GABRG3: variants seen among roughly 807,000 people sequenced by gnomAD.
GABRG3 encodes the protein gamma-aminobutyric acid receptor subunit gamma-3.
A neutral mutation model predicts 48.8 loss-of-function variants in GABRG3; 25 were observed. The ratio of observed to expected loss-of-function variants is 0.51; its 90% CI spans 0.37 to 0.72. The LOEUF (loss-of-function observed/expected upper bound fraction) is 0.72. Among genes scored for constraint, GABRG3 ranks in the 30% least tolerant of loss-of-function variants. The pLI is 0.00. For missense variants in GABRG3, 394 were observed against 577.9 expected (o/e 0.68, Z 3.26); for synonymous variants, 227 against 217.6 (o/e 1.04, Z -0.38).
intron 3 of GABRG3, chr15:27,157,506 T>C (rs559603334): frequency 6.6e-6 from 1 of 152,306 alleles, no homozygotes; most frequent in African/African-American, 2.4e-5. Context: ...CTTTCACATA[T>C]TTTGTTATCA....
intron 6 of GABRG3, among the ~76,000 whole-genome samples, chr15:27,486,465 A>G (rs1890222550): frequency 6.6e-6 from 1 of 152,230 alleles, no homozygotes; most frequent in Non-Finnish European, 1.5e-5. Context: ...AAACTCAAAA[A>G]AAGTATTCTA....
At chr15:27,488,427 A>G (rs1441586874) in intron 6 of GABRG3, among the ~76,000 whole-genome samples, 1 of 152,184 alleles carries the variant, frequency 6.6e-6, no homozygotes, top group Admixed American at 6.5e-5. Context: ...GCCTGCACTC[A>G]TAAGGTCTGT....
chr15:27,141,451 A>G (rs1327579445), intron 3 of GABRG3, among the ~76,000 whole-genome samples: 1 of 152,198 alleles, frequency 6.6e-6, no homozygotes, highest in African/African-American at 2.4e-5. Context: ...TCACACATCA[A>G]AAGATTGGAT....
intron 5 of GABRG3, among the ~76,000 whole-genome samples, chr15:27,412,198 A>G (rs1172115777): frequency 6.6e-6 from 1 of 152,136 alleles, no homozygotes; most frequent in Non-Finnish European, 1.5e-5. Context: ...AGGAGCTTCC[A>G]CATTCCCTTC....
chr15:27,280,661 A>G (rs1891403488), intron 3 of GABRG3, among the ~76,000 whole-genome samples: 1 of 152,190 alleles, frequency 6.6e-6, no homozygotes, highest in African/African-American at 2.4e-5. Flanking sequence ...CTGTAATTAC[A>G]TTTCAGTTTG....
intron 2 of GABRG3, among the ~76,000 whole-genome samples, chr15:26,991,813 C>T (rs533310999): frequency 8.2e-4 from 125 of 152,150 alleles, no homozygotes; most frequent in African/African-American, 2.1e-3. Flanking sequence ...CTCCACCTCC[C>T]GGGTTCATGC....
rs1325263042 is a variant in GABRG3 at position 27,536,462 on chromosome 15, A to G, written c.*3581A>G. 1 of 152,196 alleles carries G rather than the reference A, an allele frequency of 6.6e-6. No individual in the cohort carries two copies. Among genetic ancestry groups the G allele is most frequent in the Non-Finnish European group, 1.5e-5 (1 of 68,028 alleles). 9.4% of individuals were successfully genotyped at this position (152,196 alleles called of 1,614,324 possible). A position where few individuals can be genotyped will look rare whatever the true frequency, so the allele number is the denominator to read the frequency against. Reference sequence around the variant, plus strand: ...CTATATTTCATGCCAAGTTTTATTTATCTTTTATGAATGGATGGAAATAGG... The same window carrying G: ...CTATATTTCATGCCAAGTTTTATTTGTCTTTTATGAATGGATGGAAATAGG... On this transcript the variant is annotated 3_prime_UTR_variant, in exon 10 of 10. Transcript: ENST00000615808.
intron 3 of GABRG3, among the ~76,000 whole-genome samples, chr15:27,269,328 CT>C (rs1165823784): frequency 2.6e-5 from 4 of 152,220 alleles, no homozygotes; most frequent in African/African-American, 9.6e-5. Flanking sequence ...CTTAGGCCCC[CT>C]GGACCTGCCC....
rs979358888 is a variant in GABRG3 at position 27,541,589 on chromosome 15, G to A, written c.*8708G>A. 9.2e-5 allele frequency: 14 copies of A among 152,310 alleles called. No individual in the cohort carries two copies. The highest frequency in any genetic ancestry group is 3.4e-4 in the African/African-American group (14 of 41,472). The allele number at this position is 152,310 out of a possible 1,614,324, so 9.4% of individuals were successfully genotyped here. A position where few individuals can be genotyped will look rare whatever the true frequency, so the allele number is the denominator to read the frequency against. ...TTAGAGCACCGGTGTGGATGCGCTT[G>A]GCCCCGAGGGGGCCGCGCCCTGCCC... On this transcript the variant is annotated 3_prime_UTR_variant, in exon 10 of 10. Coordinates refer to ENST00000615808, the MANE Select transcript of GABRG3 (RefSeq NM_033223.5).
chr15:27,287,732 T>C (rs1891661492), intron 3 of GABRG3, among the ~76,000 whole-genome samples: 2 of 147,156 alleles, frequency 1.4e-5, no homozygotes, highest in African/African-American at 5.3e-5. Flanking sequence ...GATGATTTGC[T>C]GTGTCTTTTT....
intron 5 of GABRG3, among the ~76,000 whole-genome samples, chr15:27,343,060 A>G (rs767641226): frequency 3.3e-5 from 5 of 152,188 alleles, no homozygotes; most frequent in Non-Finnish European, 7.4e-5. Flanking sequence ...TGTCTACTCT[A>G]AAACTTGACA....
chr15:27,183,185 G>C (rs2140417935), intron 3 of GABRG3, among the ~76,000 whole-genome samples: 1 of 151,724 alleles, frequency 6.6e-6, no homozygotes, highest in Non-Finnish European at 1.5e-5. Flanking sequence ...TGACAAACAT[G>C]CTTTATTTTC....
chr15:27,393,323 G>A (rs760030999), intron 5 of GABRG3, among the ~76,000 whole-genome samples: 53 of 142,528 alleles, frequency 3.7e-4, no homozygotes, highest in Non-Finnish European at 6.9e-4. Flanking sequence ...CAGCCTGGGT[G>A]ACAGAGCGAG....
intron 3 of GABRG3, among the ~76,000 whole-genome samples, chr15:27,315,778 C>G (rs1297798390): frequency 2.0e-5 from 3 of 152,100 alleles, no homozygotes; most frequent in African/African-American, 7.2e-5. Flanking sequence ...TTAAAATGTT[C>G]TTAGATTTAT....
chr15:27,151,594 G>T (rs1329827468), intron 3 of GABRG3, among the ~76,000 whole-genome samples: 1 of 152,126 alleles, frequency 6.6e-6, no homozygotes, highest in African/African-American at 2.4e-5. Context: ...ACATTACCCT[G>T]AATTTCTTGG....
intron 6 of GABRG3, among the ~76,000 whole-genome samples, chr15:27,486,467 A>T (rs1191629388): frequency 1.3e-5 from 2 of 152,240 alleles, no homozygotes; most frequent in African/African-American, 4.8e-5. Flanking sequence ...ACTCAAAAAA[A>T]GTATTCTATA....
At chr15:27,383,386 T>C (rs1895834481) in intron 5 of GABRG3, among the ~76,000 whole-genome samples, 1 of 152,334 alleles carries the variant, frequency 6.6e-6, no homozygotes, top group Admixed American at 6.5e-5. Context: ...CTTGTGCTCC[T>C]GTGATATGCC....
At position 27,510,219 on chromosome 15, in the gene GABRG3, T is replaced by C. The variant is rs151239420; in HGVS notation, c.713-9753T>C. Among the ~76,000 whole-genome samples the C allele has an allele frequency of 1.8e-4, 28 of 152,274 alleles. No homozygotes were observed. In the East Asian group the frequency reaches 3.7e-3, roughly 20 times the overall value. ...GTGGTTGGATCAAGGGATGGTGAGA[T>C]GTTATCTATGTTTGGAGTAAGGCTC... On this transcript the variant is annotated intron_variant, in intron 6 of 9. Coordinates refer to ENST00000615808, the MANE Select transcript of GABRG3 (RefSeq NM_033223.5).
chr15:27,149,710 T>C (rs1898275059), intron 3 of GABRG3, among the ~76,000 whole-genome samples: 1 of 152,188 alleles, frequency 6.6e-6, no homozygotes. Context: ...ACATCTCAGA[T>C]TCTCTCGTAG....
Sources: gnomAD v4.1 joint callset for allele counts (sites outside exome capture counted in the v4.1 genomes callset) on GRCh38, gnomAD v4.1.1 for gene constraint, MANE v1.5 for transcripts, NCBI Gene and HGNC (gene_info 2026-07-23, HGNC 2026-07-21) for gene names.